MCM10: variants seen among roughly 807,000 people sequenced by gnomAD.
The protein encoded by MCM10 is minichromosome maintenance 10 replication initiation factor, also known as protein MCM10 homolog.
A neutral mutation model predicts 109.9 loss-of-function variants in MCM10; 91 were observed. The ratio of observed to expected loss-of-function variants is 0.83; its 90% CI spans 0.70 to 0.99. The LOEUF (loss-of-function observed/expected upper bound fraction) is 0.99, where lower values mean the gene tolerates loss of function less well. Among genes scored for constraint, MCM10 ranks in the 50% least tolerant of loss-of-function variants. MCM10 has a pLI of 0.00. For synonymous variants in MCM10, 380 were observed against 387.2 expected, an observed-to-expected ratio of 0.98 and a Z score of 0.22; for missense variants, 1,077 against 1,061.2, an observed-to-expected ratio of 1.01 and a Z score of -0.21.
chr10:13,179,202 C>T (rs1834178241), intron 6 of MCM10, among the ~76,000 whole-genome samples: 1 of 152,088 alleles, frequency 6.6e-6, no homozygotes, highest in Non-Finnish European at 1.5e-5. Context: ...ATTTCTTTCT[C>T]ATCTGATTGC....
intron 2 of MCM10, among the ~76,000 whole-genome samples, chr10:13,165,691 A>G (rs1367286026): frequency 1.3e-5 from 2 of 152,112 alleles, no homozygotes; most frequent in African/African-American, 2.4e-5. Flanking sequence ...CCCGGCTAAC[A>G]TAGTGAAACC....
chr10:13,185,902 A>C (rs1296174356), intron 8 of MCM10, among the ~76,000 whole-genome samples: 2 of 152,094 alleles, frequency 1.3e-5, no homozygotes, highest in Non-Finnish European at 2.9e-5. Flanking sequence ...CTGGGACTAC[A>C]TGCACGCACT....
intron 9 of MCM10, among the ~76,000 whole-genome samples, chr10:13,187,644 T>G (rs1834292291): frequency 6.6e-6 from 1 of 152,354 alleles, no homozygotes; most frequent in East Asian, 1.9e-4. Context: ...TTTTTTGTTA[T>G]AGCCATTGTA....
chr10:13,179,281 T>A (rs904032774), intron 6 of MCM10, among the ~76,000 whole-genome samples: 1 of 152,200 alleles, frequency 6.6e-6, no homozygotes, highest in Non-Finnish European at 1.5e-5. Context: ...CTTGGTGTGT[T>A]CCCAGATATG....
intron 5 of MCM10, among the ~76,000 whole-genome samples, chr10:13,174,066 T>G (rs1834109325): frequency 6.6e-6 from 1 of 151,830 alleles, no homozygotes; most frequent in African/African-American, 2.4e-5. Flanking sequence ...TAACTTTCCT[T>G]GGTCCCACAA....
rs1834651581 is a variant in MCM10 at position 13,210,789 on chromosome 10, TAAG to T, written c.*1482_*1484del. ...AAGAAAAGAATAAAGTATTTATTAA[TAAG>T]AACCAGAAAGCACTTGAAACTGATG... On this transcript the variant is annotated 3_prime_UTR_variant, in exon 20 of 20. Transcript: ENST00000378714. 1.3e-5 allele frequency: 2 copies of T among 152,212 alleles called. No individual in the cohort carries two copies. The highest frequency in any genetic ancestry group is 1.3e-4 in the Admixed American group (2 of 15,284). 9.4% of individuals were successfully genotyped at this position (152,212 alleles called of 1,614,324 possible).
intron 14 of MCM10, among the ~76,000 whole-genome samples, chr10:13,196,794 T>C (rs1834427435): frequency 6.6e-6 from 1 of 150,766 alleles, no homozygotes; most frequent in South Asian, 2.1e-4. Context: ...ATTACAGGCA[T>C]GAGCCACTGC....
rs374402715 is a variant in MCM10 at position 13,209,417 on chromosome 10, A to G, written c.*107A>G. ...TGATTCCTGATTGACGCCGTCAAAAACAAATGCTTGTTAAGCCCATAAGCT... is the reference window on the plus strand; with the variant it reads ...TGATTCCTGATTGACGCCGTCAAAAGCAAATGCTTGTTAAGCCCATAAGCT... On this transcript the variant is annotated 3_prime_UTR_variant, in exon 20 of 20. Coordinates refer to ENST00000378714, the MANE Select transcript of MCM10 (RefSeq NM_018518.5). 9 of 882,086 alleles carry G rather than the reference A, an allele frequency of 1.0e-5. No individual in the cohort carries two copies. The East Asian group carries it at 1.0e-4, about 10-fold the overall frequency. 54.6% of individuals were successfully genotyped at this position (882,086 alleles called of 1,614,324 possible).
chr10:13,182,143 G>A lies in MCM10; in HGVS notation c.931-790G>A, dbSNP rs971720434. ...ATGCTTTTGTAAGCTAAGCAGAGAT[G>A]TAATAGCCTAGAAAGGAAACTTCTT... On this transcript the variant is annotated intron_variant, in intron 7 of 19. Transcript: ENST00000378714. This position sits in a 1 kb window ranked among gnomAD's most constrained non-coding sequence, Gnocchi z 4.2. 4.6e-5 allele frequency among the ~76,000 whole-genome samples: 7 copies of A among 152,160 alleles called. No homozygotes were observed. The highest frequency in any genetic ancestry group is 9.7e-5 in the African/African-American group (4 of 41,434).
chr10:13,180,444 G>A lies in MCM10; in HGVS notation c.767G>A (p.Arg256Gln), dbSNP rs758759524. Reference protein sequence around the residue: ...VEAFSGLRLRRPRVSSTEMNK... With the variant: ...VEAFSGLRLRQPRVSSTEMNK... ...TAATCGCTGGTTTCTTAACCCAGGC[G>A]GCCTCGAGTATCCTCCACAGAAATG... Residue 256 changes from arginine to glutamine, a missense_variant and splice_region_variant, in exon 7 of 20, where the codon CGG (arginine) becomes CAG (glutamine). Transcript: ENST00000378714. 4.4e-6 allele frequency: 7 copies of A among 1,607,182 alleles called. No homozygotes were observed. The highest frequency in any genetic ancestry group is 1.7e-5 in the Admixed American group (1 of 57,714).
In MCM10 at chr10:13,201,443, G is replaced by T; in HGVS notation, c.2261G>T (p.Arg754Leu). Reference sequence around the variant, plus strand: ...CAGGCCGAGGCTGAGATGCAGGAGCGCTACTTTGAGCCACTGGTGAAAAAA... The same window carrying T: ...CAGGCCGAGGCTGAGATGCAGGAGCTCTACTTTGAGCCACTGGTGAAAAAA... ...LKEAEAEMQE[R>L]YFEPLVKKEQ... The change falls in exon 17 of 20, where the codon CGC becomes CTC. Residue 754 changes from arginine (R) to leucine (L), a missense_variant. Transcript: ENST00000378714. 1.2e-6 allele frequency: 2 copies of T among 1,612,710 alleles called. No homozygotes were observed. The highest frequency in any genetic ancestry group is 1.7e-6 in the Non-Finnish European group (2 of 1,179,326).
intron 17 of MCM10, among the ~76,000 whole-genome samples, chr10:13,203,575 C>T (rs1241104192): frequency 6.6e-6 from 1 of 152,202 alleles, no homozygotes; most frequent in East Asian, 1.9e-4. Context: ...TCTGCACTTT[C>T]TGAGGTTGTC....
chr10:13,205,052 ATT>A (rs1834561113), intron 18 of MCM10, among the ~76,000 whole-genome samples: 1 of 108,886 alleles, frequency 9.2e-6, no homozygotes, highest in African/African-American at 3.4e-5. Context: ...ATATATATAT[ATT>A]AATTTGTATA....
intron 14 of MCM10, chr10:13,195,535 G>T (rs1052107291): frequency 2.4e-5 from 6 of 246,792 alleles, no homozygotes; most frequent in Admixed American, 5.5e-5. Context: ...GCTTGGAATT[G>T]TTGAGGTGAG....
rs7904071 is a variant in MCM10, at chr10:13,188,934, C to A, written c.1269C>A (p.Ser423Arg). The A allele has an allele frequency of 1.9e-6, 3 of 1,614,150 alleles. No individual in the cohort carries two copies. The highest frequency in any genetic ancestry group is 2.5e-6 in the Non-Finnish European group (3 of 1,180,012). Residue 423 changes from serine to arginine, a missense_variant, in exon 10 of 20, where the codon AGC becomes AGA. By Grantham distance (110) the Ser-to-Arg change is moderately radical (BLOSUM62 -1). Transcript: ENST00000378714. ...TCCAGGCTCAGTACAAGAAGCTCAG[C>A]GCAAAGCGTGCGGATCTGCAGTCCA... ...YHVQAQYKKL[S>R]AKRADLQSTF...
rs956714224 is a variant in MCM10, at chr10:13,177,794, G to A, written c.764+2113G>A. Among the ~76,000 whole-genome samples, 5 of 151,336 alleles carry A rather than the reference G, an allele frequency of 3.3e-5. No individual in the cohort carries two copies. In the South Asian group the frequency reaches 6.3e-4, roughly 19 times the overall value. ...TGAGTGGGGAAGTCAAGGCTGCAGC[G>A]GGCCAAGATTGTGCCACTGCGCTCC... On this transcript the variant is annotated intron_variant, in intron 6 of 19. Transcript: ENST00000378714.
At chr10:13,162,904 C>A (rs1040522611) in intron 1 of MCM10, among the ~76,000 whole-genome samples, 1 of 152,074 alleles carries the variant, frequency 6.6e-6, no homozygotes, top group Non-Finnish European at 1.5e-5. Context: ...ACGGTGAAAC[C>A]CCATCTCTAC....
intron 9 of MCM10, among the ~76,000 whole-genome samples, chr10:13,188,353 T>C (rs897189290): frequency 6.6e-6 from 1 of 152,162 alleles, no homozygotes; most frequent in Admixed American, 6.5e-5. Context: ...CATTTTAAAA[T>C]ACATATATAA....
At chr10:13,202,542 A>G (rs1315029949) in intron 17 of MCM10, among the ~76,000 whole-genome samples, 1 of 152,164 alleles carries the variant, frequency 6.6e-6, no homozygotes, top group Non-Finnish European at 1.5e-5. Flanking sequence ...TAGCTCTCCT[A>G]TGCATTTGGG....
Sources: allele counts gnomAD v4.1 joint callset (sites outside exome capture counted in the v4.1 genomes callset), GRCh38; gene constraint gnomAD v4.1.1; non-coding constraint Gnocchi (gnomAD v3.1); transcripts MANE v1.5; gene names NCBI Gene and HGNC (gene_info 2026-07-23, HGNC 2026-07-21).